The following PRKCE variants were observed in gnomAD, a reference collection of about 807,000 sequenced individuals.
The protein encoded by PRKCE is protein kinase C epsilon.
In PRKCE, 16 loss-of-function variants were observed where a neutral mutation model predicts 85.4. The observed-to-expected ratio is 0.19, with a 90% CI of 0.13 to 0.28. PRKCE has a LOEUF of 0.28. PRKCE is among the 10% of genes least tolerant of loss of function. The pLI is 1.00. For synonymous variants in PRKCE, 388 were observed against 371.5 expected (o/e 1.04, Z -0.51); for missense variants, 573 against 975.2 (o/e 0.59, Z 5.49).
intron 11 of PRKCE, among the ~76,000 whole-genome samples, chr2:46,131,987 T>G (rs1387936805): frequency 2.6e-5 from 4 of 152,056 alleles, no homozygotes; most frequent in Admixed American, 2.6e-4. Context: ...TTATTATTAT[T>G]ATTTATTATT....
intron 1 of PRKCE, among the ~76,000 whole-genome samples, chr2:45,772,536 A>G (rs929105887): frequency 2.6e-5 from 4 of 152,138 alleles, no homozygotes; most frequent in African/African-American, 9.7e-5. Context: ...TATTCAATTG[A>G]CCATCTCCTG....
At chr2:45,829,015 T>C (rs1178267920) in intron 1 of PRKCE, among the ~76,000 whole-genome samples, 1 of 41,870 alleles carries the variant, frequency 2.4e-5, no homozygotes, top group African/African-American at 1.1e-4. Context: ...TTATTACATA[T>C]AATTCAACAA....
intron 1 of PRKCE, among the ~76,000 whole-genome samples, chr2:45,811,727 G>A (rs1688665509): frequency 6.6e-6 from 1 of 152,194 alleles, no homozygotes; most frequent in South Asian, 2.1e-4. Flanking sequence ...GAACCTTGGA[G>A]AAACTGGAAC....
chr2:46,056,678 G>A (rs1574350959), intron 10 of PRKCE, among the ~76,000 whole-genome samples: 1 of 152,086 alleles, frequency 6.6e-6, no homozygotes, highest in African/African-American at 2.4e-5. Context: ...ATATGTGTTG[G>A]ATACTAGTCA....
intron 2 of PRKCE, among the ~76,000 whole-genome samples, chr2:45,935,067 T>TCTCTCTCA (rs34264556): frequency 2.1e-5 from 3 of 146,248 alleles, no homozygotes; most frequent in African/African-American, 5.1e-5. Context: ...ACTCTCTCTC[T>TCTCTCTCA]CACACACACA....
At chr2:45,820,416 G>C (rs1689438047) in intron 1 of PRKCE, among the ~76,000 whole-genome samples, 1 of 152,172 alleles carries the variant, frequency 6.6e-6, no homozygotes, top group Non-Finnish European at 1.5e-5. Flanking sequence ...TGGAGGGGGA[G>C]AGGGGGAGTT....
chr2:46,053,452 C>T lies in PRKCE; in HGVS notation c.1438-32756C>T, dbSNP rs139333132. 3.5e-4 allele frequency among the ~76,000 whole-genome samples: 54 copies of T among 152,314 alleles called. No individual in the cohort carries two copies. The East Asian group carries it at 5.6e-3, about 16-fold the overall frequency. ...GTCACCACTATCCATCTCCATAACG[C>T]GTTTCATCTTGTAAAACGAAAACTT... On this transcript the variant is annotated intron_variant, in intron 10 of 14. Coordinates refer to ENST00000306156, the MANE Select transcript of PRKCE (RefSeq NM_005400.3).
chr2:45,769,535 C>T (rs949603935), intron 1 of PRKCE, among the ~76,000 whole-genome samples: 4 of 152,122 alleles, frequency 2.6e-5, no homozygotes, highest in Non-Finnish European at 4.4e-5. Flanking sequence ...TCTTGGGCCC[C>T]GGAAACTGAA....
At chr2:45,941,587 T>G (rs139231177) in intron 2 of PRKCE, among the ~76,000 whole-genome samples, 1,881 of 152,210 alleles carry the variant, frequency 0.012, 28 homozygotes, top group Middle Eastern at 0.02. Context: ...CCTTGAAGAA[T>G]GGGCAGTTGA....
chr2:45,744,462 T>C (rs866449874), intron 1 of PRKCE, among the ~76,000 whole-genome samples: 14 of 59,996 alleles, frequency 2.3e-4, no homozygotes, highest in South Asian at 1.8e-3. Flanking sequence ...TCTTTCTTTC[T>C]TTCTTTCTTT....
intron 11 of PRKCE, among the ~76,000 whole-genome samples, chr2:46,125,815 C>T (rs757304137): frequency 6.6e-6 from 1 of 152,186 alleles, no homozygotes; most frequent in Non-Finnish European, 1.5e-5. Flanking sequence ...ATTAAATAAG[C>T]ATGAAAATCA....
chr2:46,171,797 C>T (rs1678925218), intron 14 of PRKCE, among the ~76,000 whole-genome samples: 1 of 152,218 alleles, frequency 6.6e-6, no homozygotes, highest in African/African-American at 2.4e-5. Context: ...CTGTCCCAGG[C>T]ACTGAGCTGG....
At chr2:45,672,284 A>T (rs183350992) in intron 1 of PRKCE, among the ~76,000 whole-genome samples, 5 of 151,476 alleles carry the variant, frequency 3.3e-5, no homozygotes, top group Admixed American at 6.6e-5. Context: ...CCATCCACCC[A>T]CCCATCCATT....
intron 2 of PRKCE, among the ~76,000 whole-genome samples, chr2:45,912,737 C>T (rs761337709): frequency 3.3e-5 from 5 of 152,148 alleles, no homozygotes; most frequent in Non-Finnish European, 7.3e-5. Context: ...GCTTCTAACA[C>T]AGTAGATTAC....
intron 10 of PRKCE, among the ~76,000 whole-genome samples, chr2:46,015,526 A>G (rs1180065867): frequency 1.3e-5 from 2 of 152,150 alleles, no homozygotes; most frequent in Non-Finnish European, 2.9e-5. Flanking sequence ...TGCCCTAGGG[A>G]AAATGCAGCA....
intron 2 of PRKCE, among the ~76,000 whole-genome samples, chr2:45,945,114 C>T (rs1224144471): frequency 6.6e-6 from 1 of 152,168 alleles, no homozygotes; most frequent in African/African-American, 2.4e-5. Context: ...AAGATGTGTT[C>T]TGTGAGGATT....
intron 1 of PRKCE, among the ~76,000 whole-genome samples, chr2:45,768,419 T>A (rs1573274001): frequency 6.6e-6 from 1 of 152,188 alleles, no homozygotes; most frequent in Admixed American, 6.5e-5. Context: ...CACATTTCAT[T>A]AGTTGGGTTC....
intron 2 of PRKCE, among the ~76,000 whole-genome samples, chr2:45,874,546 C>T (rs569237483): frequency 4.6e-5 from 7 of 152,334 alleles, no homozygotes; most frequent in African/African-American, 1.7e-4. Context: ...CTCCCTGCCT[C>T]CTTCTTGTCT....
intron 1 of PRKCE, among the ~76,000 whole-genome samples, chr2:45,684,964 C>G (rs1252309610): frequency 6.6e-6 from 1 of 152,220 alleles, no homozygotes; most frequent in Non-Finnish European, 1.5e-5. Flanking sequence ...AGAAACGACA[C>G]CCGCCCTGGC....
Sources: allele counts gnomAD v4.1 joint callset (sites outside exome capture counted in the v4.1 genomes callset), GRCh38; gene constraint gnomAD v4.1.1; transcripts MANE v1.5; gene names NCBI Gene and HGNC (gene_info 2026-07-23, HGNC 2026-07-21).